SAMD12: variants seen among roughly 807,000 people sequenced by gnomAD.
SAMD12 encodes sterile alpha motif domain containing 12, also known as sterile alpha motif domain-containing protein 12.
SAMD12 carries 9 observed loss-of-function variants against 15.0 expected under a neutral mutation model. That is an observed-to-expected ratio of 0.60 (90% CI 0.36 to 1.05). SAMD12 has a LOEUF of 1.05. Among genes scored for constraint, SAMD12 ranks in the 50% least tolerant of loss-of-function variants. The probability of loss-of-function intolerance (pLI) is 0.01; values close to 1 mark genes in which losing one functional copy is unlikely to be tolerated. For synonymous variants in SAMD12, 86 were observed against 90.1 expected (o/e 0.96, Z 0.25); for missense variants, 230 against 234.2 (o/e 0.98, Z 0.12).
intron 1 of SAMD12, among the ~76,000 whole-genome samples, chr8:118,611,541 A>C (rs921629589): frequency 6.6e-6 from 1 of 152,008 alleles, no homozygotes; most frequent in East Asian, 1.9e-4. Flanking sequence ...TCCACCAAAA[A>C]TATCACTGGT....
chr8:118,608,664 T>G (rs1828036621), intron 1 of SAMD12, among the ~76,000 whole-genome samples: 2 of 151,998 alleles, frequency 1.3e-5, no homozygotes, highest in Admixed American at 1.3e-4. Flanking sequence ...CCACCACACC[T>G]GGCTAATTTT....
intron 4 of SAMD12, chr8:118,284,754 A>T (rs541059198): frequency 6.1e-5 from 10 of 163,176 alleles, no homozygotes; most frequent in African/African-American, 1.9e-4. Flanking sequence ...CATCCTGGCT[A>T]ACACGGTGAA....
chr8:118,589,060 C>A (rs1002918497), intron 1 of SAMD12, among the ~76,000 whole-genome samples: 15 of 152,120 alleles, frequency 9.9e-5, no homozygotes, highest in Admixed American at 3.9e-4. Context: ...ATGTCCACCC[C>A]CAGCAAGTCT....
chr8:118,406,227 G>A (rs1411753869), intron 3 of SAMD12, among the ~76,000 whole-genome samples: 1 of 150,768 alleles, frequency 6.6e-6, no homozygotes, highest in Non-Finnish European at 1.5e-5. Context: ...TTTTTTAATG[G>A]TAGAAATATA....
chr8:118,411,569 G>A (rs1030120991), intron 3 of SAMD12, among the ~76,000 whole-genome samples: 1 of 152,104 alleles, frequency 6.6e-6, no homozygotes, highest in African/African-American at 2.4e-5. Flanking sequence ...AATCTTAAGG[G>A]CATTGTCCCA....
intron 4 of SAMD12, among the ~76,000 whole-genome samples, chr8:118,296,559 T>C (rs1814725225): frequency 6.6e-6 from 1 of 152,242 alleles, no homozygotes; most frequent in Non-Finnish European, 1.5e-5. Flanking sequence ...GTTACACTCT[T>C]CACATATCTC....
chr8:118,423,686 AG>A (rs34170867), intron 3 of SAMD12, among the ~76,000 whole-genome samples: 27,246 of 152,098 alleles, frequency 0.18, 3,426 homozygotes, highest in African/African-American at 0.35. Flanking sequence ...CTTTGGATTC[AG>A]ACAGCCCTGG....
intron 4 of SAMD12, among the ~76,000 whole-genome samples, chr8:118,304,659 C>G (rs928800411): frequency 6.6e-6 from 1 of 151,750 alleles, no homozygotes; most frequent in African/African-American, 2.4e-5. Context: ...ACTCGGGAGG[C>G]TGAGGCAGGG....
At chr8:118,146,375 G>T in the SAMD12 span, among the ~76,000 whole-genome samples, 1 of 152,120 alleles carries the variant, frequency 6.6e-6, no homozygotes, top group African/African-American at 2.4e-5. Flanking sequence ...AGAACGGAGG[G>T]CCTTGTCCAC....
intron 2 of SAMD12, among the ~76,000 whole-genome samples, chr8:118,452,580 TAATA>T (rs1288393549): frequency 2.6e-5 from 4 of 152,230 alleles, no homozygotes; most frequent in East Asian, 1.9e-4. Context: ...ACCACATTCC[TAATA>T]AATAATAATG....
At chr8:118,180,568 CTTTA>C in the SAMD12 span, among the ~76,000 whole-genome samples, 1 of 151,196 alleles carries the variant, frequency 6.6e-6, no homozygotes, top group Middle Eastern at 3.4e-3. Context: ...CTCTCTCGCT[CTTTA>C]TTTATTTATT....
At chr8:118,438,844 A>G (rs1397760211) in intron 3 of SAMD12, among the ~76,000 whole-genome samples, 4 of 152,194 alleles carry the variant, frequency 2.6e-5, no homozygotes, top group African/African-American at 9.7e-5. Context: ...TTTCTCAGAA[A>G]AAAAAGATCT....
intron 2 of SAMD12, among the ~76,000 whole-genome samples, chr8:118,483,652 T>C (rs1362945311): frequency 1.3e-5 from 2 of 152,242 alleles, no homozygotes; most frequent in Non-Finnish European, 2.9e-5. Context: ...CTAATACTTT[T>C]ATATAATCGA....
At chr8:118,237,923 C>A (rs1445659319) in intron 4 of SAMD12, among the ~76,000 whole-genome samples, 1 of 152,094 alleles carries the variant, frequency 6.6e-6, no homozygotes, top group East Asian at 1.9e-4. Flanking sequence ...CTTTCTCAAA[C>A]TGTATCAGGT....
chr8:118,586,347 T>C (rs1225011267), intron 1 of SAMD12, among the ~76,000 whole-genome samples: 1 of 144,714 alleles, frequency 6.9e-6, no homozygotes, highest in East Asian at 1.9e-4. Context: ...TTTCTTTCTT[T>C]TTTTTTTTTT....
chr8:118,615,164 T>C (rs758061727), intron 1 of SAMD12, among the ~76,000 whole-genome samples: 1 of 152,148 alleles, frequency 6.6e-6, no homozygotes, highest in Non-Finnish European at 1.5e-5. Context: ...TTAAGAAGCA[T>C]GCATTATACA....
At chr8:118,304,509 G>T (rs1426768104) in intron 4 of SAMD12, among the ~76,000 whole-genome samples, 1 of 151,904 alleles carries the variant, frequency 6.6e-6, no homozygotes, top group Non-Finnish European at 1.5e-5. Flanking sequence ...GCCTGTAATC[G>T]CAGCACTTTG....
At chr8:118,165,637 C>CATAT in the SAMD12 span, among the ~76,000 whole-genome samples, 4 of 102,262 alleles carry the variant, frequency 3.9e-5, no homozygotes, top group African/African-American at 1.6e-4. Flanking sequence ...TATATATATA[C>CATAT]ATATATATAT....
chr8:118,227,532 A>C (rs1304976927), intron 4 of SAMD12, among the ~76,000 whole-genome samples: 3 of 152,180 alleles, frequency 2.0e-5, no homozygotes, highest in African/African-American at 7.2e-5. Flanking sequence ...GTTAAAAAAA[A>C]AGATGACATG....
Sources: allele counts gnomAD v4.1 joint callset (sites outside exome capture counted in the v4.1 genomes callset), GRCh38; gene constraint gnomAD v4.1.1; transcripts MANE v1.5; gene names NCBI Gene and HGNC (gene_info 2026-07-23, HGNC 2026-07-21).